CLYBL: variants seen among roughly 807,000 people sequenced by gnomAD.
CLYBL encodes citramalyl-CoA lyase.
A neutral mutation model predicts 38.9 loss-of-function variants in CLYBL; 31 were observed. The ratio of observed to expected loss-of-function variants is 0.80; its 90% CI spans 0.60 to 1.08. The LOEUF is 1.08. Ranked by LOEUF, CLYBL falls within the 50% of genes least tolerant of loss-of-function variation. The pLI, the probability that CLYBL is intolerant of heterozygous loss-of-function variation, is 0.00. For missense variants in CLYBL, 434 were observed against 411.6 expected, an observed-to-expected ratio of 1.05 and a Z score of -0.47; for synonymous variants, 171 against 158.6, an observed-to-expected ratio of 1.08 and a Z score of -0.59.
At chr13:99,795,490 C>G (rs958665123) in intron 2 of CLYBL, among the ~76,000 whole-genome samples, 32 of 151,604 alleles carry the variant, frequency 2.1e-4, no homozygotes, top group African/African-American at 7.3e-4. Context: ...CCCACCTCTA[C>G]AAAAGAAAAA....
intron 2 of CLYBL, among the ~76,000 whole-genome samples, chr13:99,830,926 G>A (rs2050791520): frequency 6.6e-6 from 1 of 152,190 alleles, no homozygotes; most frequent in Non-Finnish European, 1.5e-5. Context: ...GACCATCATG[G>A]ATTATCTGGG....
chr13:99,699,649 C>G (rs1451905748), intron 1 of CLYBL, among the ~76,000 whole-genome samples: 1 of 150,694 alleles, frequency 6.6e-6, no homozygotes, highest in African/African-American at 2.5e-5. Context: ...GCCGAGATCG[C>G]GCCACCGTAC....
intron 1 of CLYBL, among the ~76,000 whole-genome samples, chr13:99,735,734 G>A (rs2048655684): frequency 6.6e-6 from 1 of 152,054 alleles, no homozygotes; most frequent in South Asian, 2.1e-4. Flanking sequence ...ACTGTCCAAA[G>A]GATTAAGTGA....
intron 2 of CLYBL, among the ~76,000 whole-genome samples, chr13:99,787,597 C>G (rs1385804851): frequency 6.6e-6 from 1 of 152,196 alleles, no homozygotes; most frequent in Non-Finnish European, 1.5e-5. Context: ...GTTTTGGTTA[C>G]TGTAGCCTTG....
At chr13:99,704,378 A>G (rs1163211352) in intron 1 of CLYBL, among the ~76,000 whole-genome samples, 1 of 152,200 alleles carries the variant, frequency 6.6e-6, no homozygotes, top group Admixed American at 6.5e-5. Context: ...ACCCAGTTAT[A>G]CGGATGTCCT....
downstream of CLYBL, chr13:99,895,999 C>G (rs1345343895): frequency 6.6e-6 from 1 of 151,838 alleles, no homozygotes; most frequent in Non-Finnish European, 1.5e-5. Context: ...TGGGCGGCCC[C>G]GCGGGCAGGA....
intron 1 of CLYBL, among the ~76,000 whole-genome samples, chr13:99,762,383 G>C (rs187066101): frequency 2.3e-4 from 35 of 152,240 alleles, no homozygotes; most frequent in African/African-American, 8.2e-4. Flanking sequence ...TCTTCTGAAT[G>C]TATTTATCCA....
At chr13:99,884,865 G>A in intron 7 of CLYBL, 1 of 420,192 alleles carries the variant, frequency 2.4e-6, no homozygotes, top group Non-Finnish European at 4.9e-6. Context: ...CAGCAGGGAT[G>A]TGTGACAGCA....
chr13:99,829,267 C>A (rs896251311), intron 2 of CLYBL, among the ~76,000 whole-genome samples: 2 of 152,208 alleles, frequency 1.3e-5, no homozygotes, highest in African/African-American at 4.8e-5. Context: ...CTTGCAGATG[C>A]AAACCTTCCT....
chr13:99,866,485 C>G, intron 6 of CLYBL, 78 bp downstream of exon 6: 1 of 1,275,782 alleles, frequency 7.8e-7, no homozygotes, highest in Non-Finnish European at 1.1e-6. Context: ...CGAAAACACC[C>G]CTAATCTCAT....
chr13:99,897,741 T>A (rs1242529976), downstream of CLYBL, among the ~76,000 whole-genome samples: 1 of 151,462 alleles, frequency 6.6e-6, no homozygotes, highest in East Asian at 1.9e-4. Flanking sequence ...AGGTCAGGAG[T>A]TCAAGACCAG....
intron 1 of CLYBL, among the ~76,000 whole-genome samples, chr13:99,674,876 C>A (rs183203579): frequency 2.6e-5 from 4 of 152,182 alleles, no homozygotes; most frequent in Admixed American, 2.0e-4. Context: ...AACCAAGAAT[C>A]GACTATTGAA....
intron 2 of CLYBL, among the ~76,000 whole-genome samples, chr13:99,854,751 T>G (rs1458693302): frequency 6.6e-6 from 1 of 152,136 alleles, no homozygotes; most frequent in Non-Finnish European, 1.5e-5. Flanking sequence ...TCTGCAGGTT[T>G]TGGTGATGGT....
At chr13:99,813,079 C>T (rs1297642147) in intron 2 of CLYBL, among the ~76,000 whole-genome samples, 1 of 152,108 alleles carries the variant, frequency 6.6e-6, no homozygotes, top group East Asian at 1.9e-4. Flanking sequence ...TAGTTAGAAA[C>T]ACCATGATTT....
Position 99,715,517 on chromosome 13 carries a change from C to G in CLYBL, c.63-57307C>G, listed in dbSNP as rs201051412. Among the ~76,000 whole-genome samples, 42 of 151,858 alleles carry G rather than the reference C, an allele frequency of 2.8e-4. No individual in the cohort carries two copies. In the East Asian group the frequency reaches 7.5e-3, roughly 27 times the overall value. ...TCTAGGGCTCAGGTGATCCTCCTGC[C>G]TTAGCCTCCCAAGTAGCTGGGACTA... On this transcript the variant is annotated intron_variant, in intron 1 of 8. Transcript: ENST00000339105.
chr13:99,839,658 A>G (rs969829616), intron 2 of CLYBL, among the ~76,000 whole-genome samples: 4 of 152,134 alleles, frequency 2.6e-5, no homozygotes, highest in African/African-American at 4.8e-5. Context: ...GGGGAGGGGC[A>G]TGGAATTTTA....
intron 1 of CLYBL, among the ~76,000 whole-genome samples, chr13:99,619,017 C>T (rs2046755499): frequency 6.6e-6 from 1 of 152,180 alleles, no homozygotes; most frequent in Non-Finnish European, 1.5e-5. Flanking sequence ...CTATGTGGAG[C>T]ACAGAAATGT....
chr13:99,780,646 GA>G (rs1352870622), intron 2 of CLYBL, among the ~76,000 whole-genome samples: 2 of 151,652 alleles, frequency 1.3e-5, no homozygotes, highest in African/African-American at 4.8e-5. Context: ...AAAGTGCTGG[GA>G]TTACAGGCAT....
intron 7 of CLYBL, 141 bp from the exon 8 acceptor site, chr13:99,891,177 T>C (rs2052479335): frequency 6.2e-6 from 4 of 642,822 alleles, no homozygotes; most frequent in Non-Finnish European, 8.2e-6. Context: ...TGTAATTTAC[T>C]TTGGCTTTCT....
Sources: gnomAD v4.1 joint callset for allele counts (sites outside exome capture counted in the v4.1 genomes callset) on GRCh38, gnomAD v4.1.1 for gene constraint, MANE v1.5 for transcripts, NCBI Gene and HGNC (gene_info 2026-07-23, HGNC 2026-07-21) for gene names.